The following ETF1 variants were observed in gnomAD, a reference collection of about 807,000 sequenced individuals.
ETF1 encodes the protein eukaryotic peptide chain release factor subunit 1.
ETF1 carries 4 observed loss-of-function variants against 55.1 expected under a neutral mutation model. That is an observed-to-expected ratio of 0.07 (90% CI 0.04 to 0.17). The LOEUF (loss-of-function observed/expected upper bound fraction) is 0.17, where lower values mean the gene tolerates loss of function less well. ETF1 is among the 10% of genes least tolerant of loss of function. The pLI is 1.00. For missense variants in ETF1, 142 were observed against 523.6 expected (o/e 0.27, Z 7.11); for synonymous variants, 157 against 182.3 (o/e 0.86, Z 1.12).
At chr5:138,523,792 C>T (rs1323234449) in intron 2 of ETF1, among the ~76,000 whole-genome samples, 1 of 152,094 alleles carries the variant, frequency 6.6e-6, no homozygotes, top group Admixed American at 6.6e-5. Context: ...AAAGGCTGGG[C>T]GAGGTGGCTC....
intron 2 of ETF1, among the ~76,000 whole-genome samples, chr5:138,534,908 T>C (rs953594215): frequency 1.4e-4 from 15 of 106,066 alleles, no homozygotes; most frequent in African/African-American, 3.0e-4. Context: ...AGAGCTGTTA[T>C]AAGGTTATAA....
chr5:138,508,870 A>G, intron 9 of ETF1, 54 bp from the exon 10 acceptor site: 1 of 1,581,704 alleles, frequency 6.3e-7, no homozygotes, highest in Non-Finnish European at 8.6e-7. Flanking sequence ...TATGAAGGCT[A>G]ATTAGTCCCT....
At chr5:138,524,463 G>C (rs1431654049) in intron 2 of ETF1, among the ~76,000 whole-genome samples, 1 of 150,660 alleles carries the variant, frequency 6.6e-6, no homozygotes, top group Non-Finnish European at 1.5e-5. Context: ...TGAGGTGGGA[G>C]AATTACCTAA....
In ETF1 at chr5:138,508,735, A is replaced by T; in HGVS notation, c.1165T>A (p.Leu389Met). ...TGTGATTTATCTGTGACAATTTCCAACGTAGCTCCAAATTTTTTATAGTTG... is the reference window on the plus strand; with the variant it reads ...TGTGATTTATCTGTGACAATTTCCATCGTAGCTCCAAATTTTTTATAGTTG... ...ANNYKKFGAT[L>M]EIVTDKSQEG... Residue 389 changes from leucine to methionine, a missense_variant, in exon 10 of 11, where the codon TTG (leucine) becomes ATG (methionine). Transcript: ENST00000360541. The T allele has an allele frequency of 1.9e-6, 3 of 1,613,592 alleles. No individual in the cohort carries two copies. The highest frequency in any genetic ancestry group is 2.5e-6 in the Non-Finnish European group (3 of 1,180,018).
chr5:138,526,053 T>G (rs1246435918), intron 2 of ETF1, among the ~76,000 whole-genome samples: 2 of 152,164 alleles, frequency 1.3e-5, no homozygotes, highest in Non-Finnish European at 2.9e-5. Context: ...GATTATTGGA[T>G]CTATACCCTT....
intron 9 of ETF1, among the ~76,000 whole-genome samples, chr5:138,510,357 C>CAAAAAAAAA (rs57906231): frequency 2.9e-4 from 19 of 64,784 alleles, no homozygotes; most frequent in African/African-American, 1.0e-3. Context: ...GACCTTGTCT[C>CAAAAAAAAA]AAAAAAAAAA....
rs370383933 is a variant in ETF1, at chr5:138,519,126, G to A, written c.87-259C>T. Reference sequence around the variant, plus strand: ...AGAATACACTTGGAGAGATACTTGAGAAACACCTCATTTCCTAAAGAAAGA... The same window carrying A: ...AGAATACACTTGGAGAGATACTTGAAAAACACCTCATTTCCTAAAGAAAGA... On this transcript the variant is annotated intron_variant, in intron 2 of 10. Transcript: ENST00000360541. The A allele has an allele frequency of 1.0e-5, 10 of 984,420 alleles. No homozygotes were observed. The African/African-American group carries it at 1.4e-4, about 14-fold the overall frequency. The allele number at this position is 984,420 out of a possible 1,614,324, so 61.0% of individuals were successfully genotyped here. A position where few individuals can be genotyped will look rare whatever the true frequency, so the allele number is the denominator to read the frequency against.
chr5:138,540,952 T>C (rs1184521302), intron 2 of ETF1, among the ~76,000 whole-genome samples: 2 of 152,234 alleles, frequency 1.3e-5, no homozygotes, highest in Admixed American at 1.3e-4. Context: ...TCATCTTCAA[T>C]GTTACTTCAT....
chr5:138,522,705 G>A (rs1284971510), intron 2 of ETF1, among the ~76,000 whole-genome samples: 7 of 152,144 alleles, frequency 4.6e-5, no homozygotes, highest in Non-Finnish European at 8.8e-5. Context: ...ATGACATATT[G>A]CATTAACTTA....
intron 4 of ETF1, 77 bp from the exon 5 acceptor site, chr5:138,513,783 A>C: frequency 6.8e-7 from 1 of 1,481,478 alleles, no homozygotes; most frequent in East Asian, 2.4e-5. Context: ...AAGGATATAT[A>C]CAAGCCCTTT....
intron 2 of ETF1, among the ~76,000 whole-genome samples, chr5:138,534,711 A>G (rs984770806): frequency 6.6e-6 from 1 of 152,256 alleles, no homozygotes; most frequent in Non-Finnish European, 1.5e-5. Context: ...TCTATTCAGC[A>G]AAAGAAATAC....
intron 2 of ETF1, among the ~76,000 whole-genome samples, chr5:138,524,366 A>T (rs1025578875): frequency 6.6e-6 from 1 of 151,640 alleles, no homozygotes; most frequent in African/African-American, 2.4e-5. Context: ...AACAAACCAA[A>T]AACCAAAAAA....
At position 138,508,393 on chromosome 5, in the gene ETF1, G is replaced by T; in HGVS notation, c.1232-6C>A. The T allele has an allele frequency of 6.2e-7, 1 of 1,613,710 alleles. No individual in the cohort carries two copies. The highest frequency in any genetic ancestry group is 8.5e-7 in the Non-Finnish European group (1 of 1,179,840). On this transcript the variant is annotated splice_region_variant and splice_polypyrimidine_tract_variant and intron_variant, in intron 10 of 10. Transcript: ENST00000360541. ...TACTCGGTACCGCAAGATACCTGGG[G>T]AAACAAACCAAAAGGTAAATTACCT...
At chr5:138,533,811 A>G (rs1424849506) in intron 2 of ETF1, among the ~76,000 whole-genome samples, 1 of 152,236 alleles carries the variant, frequency 6.6e-6, no homozygotes, top group Non-Finnish European at 1.5e-5. Context: ...ATACTATATT[A>G]GGCGTTTACC....
intron 6 of ETF1, among the ~76,000 whole-genome samples, chr5:138,512,252 ATATATATTTTTTTTT>A (rs1158156201): frequency 0.054 from 708 of 13,058 alleles, 61 homozygotes; most frequent in Middle Eastern, 0.14. Flanking sequence ...ATATATATAT[ATATATATTTTTTTTT>A]TTTTTTAAAG....
chr5:138,541,878 G>A (rs1263182302), intron 2 of ETF1, among the ~76,000 whole-genome samples: 2 of 109,326 alleles, frequency 1.8e-5, no homozygotes, highest in Admixed American at 1.6e-4. Flanking sequence ...AACGAACAAC[G>A]TTAAAAAAAA....
At chr5:138,510,432 G>T in intron 9 of ETF1, 133 bp downstream of exon 9, 1 of 311,730 alleles carries the variant, frequency 3.2e-6, no homozygotes, top group Admixed American at 4.4e-5. Flanking sequence ...GTGGCAGATA[G>T]ATGACCACCT....
chr5:138,513,469 G>A (rs1764896565), intron 5 of ETF1, 99 bp downstream of exon 5: 3 of 1,066,474 alleles, frequency 2.8e-6, no homozygotes, highest in Admixed American at 3.8e-5. Flanking sequence ...CTCCCAAAGT[G>A]CTGGGATTAC....
At chr5:138,515,155 C>T (rs1206195190) in intron 4 of ETF1, among the ~76,000 whole-genome samples, 1 of 152,140 alleles carries the variant, frequency 6.6e-6, no homozygotes, top group Non-Finnish European at 1.5e-5. Flanking sequence ...TGTGGCCGGG[C>T]GTGGTGGCTC....
Sources: gnomAD v4.1 joint callset for allele counts (sites outside exome capture counted in the v4.1 genomes callset) on GRCh38, gnomAD v4.1.1 for gene constraint, MANE v1.5 for transcripts, NCBI Gene and HGNC (gene_info 2026-07-23, HGNC 2026-07-21) for gene names.